The following EYS variants were observed in gnomAD, a reference collection of about 807,000 sequenced individuals.
The protein encoded by EYS is EGF-like photoreceptor maintenance factor, also known as protein eyes shut homolog.
In EYS, 250 loss-of-function variants were observed where a neutral mutation model predicts 282.1. The observed-to-expected ratio is 0.89, with a 90% CI of 0.80 to 0.98. The LOEUF (loss-of-function observed/expected upper bound fraction) is 0.98, where lower values mean the gene tolerates loss of function less well. EYS is among the 50% of genes least tolerant of loss of function. EYS has a pLI of 0.00. For missense variants in EYS, 4,016 were observed against 3,709.0 expected (o/e 1.08, Z -2.15); for synonymous variants, 1,355 against 1,282.9 (o/e 1.06, Z -1.20).
At chr6:64,518,779 G>GCCC (rs10626520) in intron 26 of EYS, among the ~76,000 whole-genome samples, 30,941 of 143,844 alleles carry the variant, frequency 0.22, 3,645 homozygotes, top group East Asian at 0.33. Flanking sequence ...GTTTATAAGG[G>GCCC]GCCCCCCCCT....
intron 22 of EYS, among the ~76,000 whole-genome samples, chr6:64,774,424 C>A (rs910648375): frequency 6.6e-6 from 1 of 151,900 alleles, no homozygotes; most frequent in Non-Finnish European, 1.5e-5. Flanking sequence ...ACACCTAGAC[C>A]TGCAGAGGGA....
In EYS at chr6:64,585,566, G is replaced by A. The variant is rs573072593; in HGVS notation, c.5644+4657C>T. Among the ~76,000 whole-genome samples the A allele has an allele frequency of 7.9e-5, 12 of 152,154 alleles. No individual in the cohort carries two copies. In the East Asian group the frequency reaches 1.7e-3, roughly 22 times the overall value. On this transcript the variant is annotated intron_variant, in intron 26 of 42. Transcript: ENST00000503581. ...TTTTGGCCTGAAACGTAGAGAACGA[G>A]TTTTCAAAATAAAACAATGCATCAA...
chr6:65,686,195 T>C (rs1582601855), intron 1 of EYS, among the ~76,000 whole-genome samples: 2 of 152,040 alleles, frequency 1.3e-5, no homozygotes, highest in East Asian at 1.9e-4. Flanking sequence ...GGGACATCTC[T>C]AGAGGTCTTT....
chr6:64,791,761 C>T (rs1034348407), intron 22 of EYS, among the ~76,000 whole-genome samples: 3 of 151,694 alleles, frequency 2.0e-5, no homozygotes, highest in African/African-American at 7.3e-5. Context: ...AAGCTTGAGA[C>T]ACATATTAAA....
chr6:65,027,965 C>T (rs1772472182), intron 13 of EYS, among the ~76,000 whole-genome samples: 1 of 152,070 alleles, frequency 6.6e-6, no homozygotes, highest in East Asian at 1.9e-4. Context: ...ACTTAATTAA[C>T]ACTAAATTAT....
intron 35 of EYS, among the ~76,000 whole-genome samples, chr6:63,905,101 T>C (rs1411241446): frequency 6.6e-6 from 1 of 152,200 alleles, no homozygotes; most frequent in Non-Finnish European, 1.5e-5. Flanking sequence ...CTGCTTTCTG[T>C]TTCTATGGGT....
At chr6:64,799,280 T>C (rs1774460041) in intron 22 of EYS, among the ~76,000 whole-genome samples, 1 of 151,972 alleles carries the variant, frequency 6.6e-6, no homozygotes, top group African/African-American at 2.4e-5. Flanking sequence ...TATGCTTTGA[T>C]ACCAAATATA....
At chr6:64,547,437 G>T in intron 26 of EYS, among the ~76,000 whole-genome samples, 1 of 152,172 alleles carries the variant, frequency 6.6e-6, no homozygotes, top group East Asian at 1.9e-4. Context: ...AGATTAGGTA[G>T]ATACAGAGTG....
intron 35 of EYS, among the ~76,000 whole-genome samples, chr6:63,922,856 G>A (rs905338913): frequency 3.3e-5 from 5 of 152,248 alleles, no homozygotes; most frequent in East Asian, 3.9e-4. Flanking sequence ...AAAAAGCAGG[G>A]TATATGTTAA....
intron 8 of EYS, among the ~76,000 whole-genome samples, chr6:65,365,444 C>A (rs1027614353): frequency 6.6e-6 from 1 of 151,592 alleles, no homozygotes; most frequent in Non-Finnish European, 1.5e-5. Flanking sequence ...TGTGTGAGTG[C>A]GTATGTGTGG....
In EYS at chr6:63,982,908, A is replaced by C. The variant is rs778046570; in HGVS notation, c.7055+1475T>G. Among the ~76,000 whole-genome samples the C allele has an allele frequency of 1.1e-3, 161 of 152,006 alleles. 1 individual carries two copies. The highest frequency in any genetic ancestry group is 2.1e-3 in the Non-Finnish European group (143 of 67,842). On this transcript the variant is annotated intron_variant, in intron 35 of 42. Transcript: ENST00000503581. ...AATAACACAAATATTTCAGACATTA[A>C]CACAGTCAGTTAGAGAAGGTTTTTT...
chr6:65,068,919 ACTC>A (rs1773828987), intron 12 of EYS, among the ~76,000 whole-genome samples: 3 of 151,862 alleles, frequency 2.0e-5, no homozygotes. Context: ...ATTTCTCTGC[ACTC>A]CTCTAATATC....
chr6:65,617,112 A>G (rs1403408442), intron 2 of EYS, among the ~76,000 whole-genome samples: 1 of 152,204 alleles, frequency 6.6e-6, no homozygotes, highest in Non-Finnish European at 1.5e-5. Flanking sequence ...GTGATTTTAA[A>G]TAATTTAATG....
chr6:64,624,764 C>T (rs1020009517), intron 23 of EYS, among the ~76,000 whole-genome samples: 3 of 152,004 alleles, frequency 2.0e-5, no homozygotes, highest in Admixed American at 2.0e-4. Context: ...AGTCCTAATA[C>T]TCTCATGGCT....
intron 2 of EYS, among the ~76,000 whole-genome samples, chr6:65,556,081 C>T (rs1164763055): frequency 2.6e-5 from 4 of 152,002 alleles, no homozygotes; most frequent in African/African-American, 9.7e-5. Flanking sequence ...TATTGTTGCC[C>T]TCATTTTTCT....
At chr6:64,886,654 A>G in intron 19 of EYS, 43 bp downstream of exon 19, 10 of 1,451,272 alleles carry the variant, frequency 6.9e-6, no homozygotes, top group Non-Finnish European at 9.1e-6. Flanking sequence ...ATTTGCTTGC[A>G]GACAGAAATA....
At chr6:65,106,896 G>A (rs1775055443) in intron 12 of EYS, among the ~76,000 whole-genome samples, 1 of 152,000 alleles carries the variant, frequency 6.6e-6, no homozygotes, top group Non-Finnish European at 1.5e-5. Context: ...AATATTTATA[G>A]ATAGATGGCC....
At chr6:64,898,253 C>G (rs1767538647) in intron 18 of EYS, among the ~76,000 whole-genome samples, 1 of 152,154 alleles carries the variant, frequency 6.6e-6, no homozygotes, top group South Asian at 2.1e-4. Flanking sequence ...AACAGCGGAT[C>G]TTTCTGCAGA....
At chr6:64,635,615 C>T (rs1767948690) in intron 22 of EYS, among the ~76,000 whole-genome samples, 1 of 152,184 alleles carries the variant, frequency 6.6e-6, no homozygotes, top group East Asian at 1.9e-4. Flanking sequence ...TGTTTATATG[C>T]TGGATTACAT....
Sources: allele counts gnomAD v4.1 joint callset (sites outside exome capture counted in the v4.1 genomes callset), GRCh38; gene constraint gnomAD v4.1.1; transcripts MANE v1.5; gene names NCBI Gene and HGNC (gene_info 2026-07-23, HGNC 2026-07-21).